The following NLRP3 variants were observed in gnomAD, a reference collection of about 807,000 sequenced individuals.
NLRP3 encodes the protein NLR family pyrin domain containing 3.
NLRP3 carries 48 observed loss-of-function variants against 91.3 expected under a neutral mutation model. The observed-to-expected ratio is 0.53, with a 90% CI of 0.42 to 0.67. The LOEUF is 0.67. Among genes scored for constraint, NLRP3 ranks in the 30% least tolerant of loss-of-function variants. The pLI, the probability that NLRP3 is intolerant of heterozygous loss-of-function variation, is 0.00. For missense variants in NLRP3, 982 were observed against 1,276.9 expected (o/e 0.77, Z 3.52); for synonymous variants, 561 against 507.9 (o/e 1.10, Z -1.41).
At chr1:247,447,998 T>C (rs1203813557) in intron 9 of NLRP3, among the ~76,000 whole-genome samples, 1 of 150,676 alleles carries the variant, frequency 6.6e-6, no homozygotes, top group Non-Finnish European at 1.5e-5. Context: ...GGAACCACAT[T>C]GGGCACTTAG....
intron 5 of NLRP3, among the ~76,000 whole-genome samples, chr1:247,431,148 C>T (rs1206286906): frequency 6.6e-6 from 1 of 152,000 alleles, no homozygotes; most frequent in Non-Finnish European, 1.5e-5. Flanking sequence ...CGTGCCATTG[C>T]ACTCCAGCCT....
intron 9 of NLRP3, among the ~76,000 whole-genome samples, chr1:247,445,228 T>A (rs1305827387): frequency 6.6e-6 from 1 of 151,786 alleles, no homozygotes; most frequent in Non-Finnish European, 1.5e-5. Flanking sequence ...TGAGACAGAG[T>A]CTTGCTCTGT....
intron 7 of NLRP3, among the ~76,000 whole-genome samples, chr1:247,437,535 G>A (rs912290659): frequency 2.0e-5 from 3 of 152,086 alleles, no homozygotes; most frequent in Non-Finnish European, 4.4e-5. Context: ...TTAGCAAATC[G>A]CCTTAGAATA....
At chr1:247,419,269 C>T (rs1662287667) in intron 2 of NLRP3, among the ~76,000 whole-genome samples, 192 bp downstream of exon 2, 2 of 151,884 alleles carry the variant, frequency 1.3e-5, no homozygotes, top group African/African-American at 4.8e-5. Flanking sequence ...ATTTTCCTGC[C>T]TCAGCCTCCC....
intron 9 of NLRP3, among the ~76,000 whole-genome samples, chr1:247,446,436 A>G (rs1360139109): frequency 6.6e-6 from 1 of 152,214 alleles, no homozygotes; most frequent in Non-Finnish European, 1.5e-5. Context: ...CACATAATCC[A>G]GCCTCTCCTG....
At chr1:247,421,299 G>A (rs1662441713) in intron 2 of NLRP3, among the ~76,000 whole-genome samples, 1 of 152,008 alleles carries the variant, frequency 6.6e-6, no homozygotes, top group South Asian at 2.1e-4. Context: ...ATGACACTGG[G>A]GAAACAGACA....
intron 5 of NLRP3, among the ~76,000 whole-genome samples, chr1:247,431,586 G>A (rs1001096949): frequency 1.1e-4 from 16 of 152,070 alleles, no homozygotes; most frequent in East Asian, 1.9e-4. Context: ...TTGTCTTGCT[G>A]TCATCTTTGC....
intron 8 of NLRP3, among the ~76,000 whole-genome samples, 161 bp downstream of exon 8, chr1:247,444,303 G>C (rs374775080): frequency 3.3e-5 from 5 of 152,172 alleles, no homozygotes; most frequent in Admixed American, 2.0e-4. Context: ...AGTCCTTCCA[G>C]ATGATATAGA....
chr1:247,436,891 T>A (rs1663828416), intron 7 of NLRP3, among the ~76,000 whole-genome samples: 1 of 152,240 alleles, frequency 6.6e-6, no homozygotes, highest in Non-Finnish European at 1.5e-5. Context: ...ACCTGCTCTT[T>A]CATGTTCTTA....
In NLRP3 at chr1:247,418,490, C is replaced by T; in HGVS notation, c.-311C>T. On this transcript the variant is annotated 5_prime_UTR_variant, in exon 2 of 10. Coordinates refer to ENST00000336119, the MANE Select transcript of NLRP3 (RefSeq NM_001243133.2). ...CTCATTTTTGTACTTTTAGTAGAGACACAGTTTTGCCATGTTGGCCAGGCT... is the reference window on the plus strand; with the variant it reads ...CTCATTTTTGTACTTTTAGTAGAGATACAGTTTTGCCATGTTGGCCAGGCT... 1 of 377,794 alleles carries T rather than the reference C, an allele frequency of 2.6e-6. No individual in the cohort carries two copies. The highest frequency in any genetic ancestry group is 5.1e-6 in the Non-Finnish European group (1 of 197,034). 23.4% of individuals were successfully genotyped at this position (377,794 alleles called of 1,614,324 possible). A position where few individuals can be genotyped will look rare whatever the true frequency, so the allele number is the denominator to read the frequency against.
At chr1:247,443,536 A>G (rs1371418011) in intron 7 of NLRP3, among the ~76,000 whole-genome samples, 1 of 147,010 alleles carries the variant, frequency 6.8e-6, no homozygotes, top group Non-Finnish European at 1.5e-5. Context: ...TCCCATGAGG[A>G]GGATTTTTTT....
At chr1:247,437,001 T>C (rs1572208118) in intron 7 of NLRP3, among the ~76,000 whole-genome samples, 1 of 152,324 alleles carries the variant, frequency 6.6e-6, no homozygotes, top group East Asian at 1.9e-4. Context: ...GCCTCATAAC[T>C]TTGTCCAAGG....
chr1:247,419,873 G>A (rs573325856), intron 2 of NLRP3, among the ~76,000 whole-genome samples: 2 of 152,234 alleles, frequency 1.3e-5, no homozygotes, highest in African/African-American at 4.8e-5. Context: ...ATGCTGTTAT[G>A]AGTGTTGGTG....
chr1:247,423,834 G>A lies in NLRP3; in HGVS notation c.398-13G>A, dbSNP rs1377621035. On this transcript the variant is annotated splice_polypyrimidine_tract_variant and intron_variant, in intron 3 of 9. Coordinates refer to ENST00000336119, the MANE Select transcript of NLRP3 (RefSeq NM_001243133.2). Reference sequence around the variant, plus strand: ...GTGTATACTTTCCCCCTAACTTCCTGTCTTTGCCGTAGATTACCGTAAGAA... The same window carrying A: ...GTGTATACTTTCCCCCTAACTTCCTATCTTTGCCGTAGATTACCGTAAGAA... The A allele has an allele frequency of 1.1e-5, 18 of 1,612,778 alleles. No individual in the cohort carries two copies. Among genetic ancestry groups the A allele is most frequent in the Non-Finnish European group, 1.4e-5 (16 of 1,179,618 alleles).
intron 5 of NLRP3, among the ~76,000 whole-genome samples, chr1:247,432,158 C>T (rs547025419): frequency 6.6e-6 from 1 of 152,342 alleles, no homozygotes; most frequent in African/African-American, 2.4e-5. Flanking sequence ...GCTGGGATTA[C>T]AGGCGTGAGC....
chr1:247,416,607 G>A (rs1662087305), intron 1 of NLRP3, among the ~76,000 whole-genome samples: 1 of 152,028 alleles, frequency 6.6e-6, no homozygotes, highest in African/African-American at 2.4e-5. Flanking sequence ...CAGATGGAAG[G>A]ACTGATGGGG....
At chr1:247,430,772 ACT>A (rs1491367630) in intron 5 of NLRP3, among the ~76,000 whole-genome samples, 1 of 144,150 alleles carries the variant, frequency 6.9e-6, no homozygotes, top group East Asian at 2.0e-4. Context: ...CTATGAAAAT[ACT>A]TTTTTTTTTT....
At chr1:247,445,856 C>T (rs1202590797) in intron 9 of NLRP3, among the ~76,000 whole-genome samples, 1 of 152,158 alleles carries the variant, frequency 6.6e-6, no homozygotes, top group African/African-American at 2.4e-5. Flanking sequence ...TTTTTCTTCC[C>T]TACACTTTCT....
intron 7 of NLRP3, among the ~76,000 whole-genome samples, chr1:247,438,447 A>C (rs113705187): frequency 0.14 from 19,521 of 143,004 alleles, 1,442 homozygotes; most frequent in Middle Eastern, 0.18. Flanking sequence ...GCAGTGGCGC[A>C]ATCTTGGCTC....
Sources: allele counts gnomAD v4.1 joint callset (sites outside exome capture counted in the v4.1 genomes callset), GRCh38; gene constraint gnomAD v4.1.1; transcripts MANE v1.5; gene names NCBI Gene and HGNC (gene_info 2026-07-23, HGNC 2026-07-21).